CALN1: variants seen among roughly 807,000 people sequenced by gnomAD.
CALN1 encodes the protein calneuron 1, also known as calcium-binding protein 8.
In CALN1, 17 loss-of-function variants were observed where a neutral mutation model predicts 30.6. That is an observed-to-expected ratio of 0.56 (90% confidence interval 0.38 to 0.83). The LOEUF is 0.83. CALN1 is among the 40% of genes least tolerant of loss of function. The probability of loss-of-function intolerance (pLI) is 0.00; values close to 1 mark genes in which losing one functional copy is unlikely to be tolerated. For missense variants in CALN1, 291 were observed against 354.9 expected (o/e 0.82, Z 1.45); for synonymous variants, 156 against 131.4 (o/e 1.19, Z -1.28).
chr7:72,412,087 G>A lies in CALN1; in HGVS notation c.-103C>T, dbSNP rs1807205836. 1 of 152,254 alleles carries A rather than the reference G, an allele frequency of 6.6e-6. No individual in the cohort carries two copies. The highest frequency in any genetic ancestry group is 2.0e-4 in the South Asian group (1 of 4,906). 9.4% of individuals were successfully genotyped at this position (152,254 alleles called of 1,614,324 possible). ...GTGCGGAATTTATTCCTTCTGCTGG[G>A]TTGTTGGTCTCGCCGACTTTAAGAA... On this transcript the variant is annotated 5_prime_UTR_variant, in exon 1 of 7. Transcript: ENST00000395275.
intron 3 of CALN1, among the ~76,000 whole-genome samples, chr7:72,255,235 G>C (rs549474420): frequency 6.7e-6 from 1 of 149,718 alleles, no homozygotes; most frequent in South Asian, 2.1e-4. Flanking sequence ...ACAGGTGCCC[G>C]CCACCACACC....
intron 3 of CALN1, among the ~76,000 whole-genome samples, chr7:72,137,872 A>G (rs533412095): frequency 1.3e-5 from 2 of 152,340 alleles, no homozygotes; most frequent in East Asian, 3.9e-4. Flanking sequence ...AATGATATAA[A>G]TATAGCATAT....
chr7:72,166,862 G>A (rs534478350), intron 3 of CALN1, among the ~76,000 whole-genome samples: 29 of 152,226 alleles, frequency 1.9e-4, no homozygotes, highest in Non-Finnish European at 2.4e-4. Context: ...GGGCAACATG[G>A]TGAAACCCCA....
chr7:72,350,953 C>G (rs964125704), intron 2 of CALN1, among the ~76,000 whole-genome samples: 1 of 151,912 alleles, frequency 6.6e-6, no homozygotes, highest in African/African-American at 2.4e-5. Flanking sequence ...CCAGCCTGAC[C>G]AACATGGTGA....
At chr7:72,002,109 A>G (rs1442326247) in intron 5 of CALN1, among the ~76,000 whole-genome samples, 6 of 152,228 alleles carry the variant, frequency 3.9e-5, no homozygotes, top group Non-Finnish European at 5.9e-5. Context: ...TGCTTTCTCT[A>G]TAAGATTGGG....
At chr7:71,961,167 C>G (rs932633247) in intron 5 of CALN1, among the ~76,000 whole-genome samples, 2 of 152,196 alleles carry the variant, frequency 1.3e-5, no homozygotes, top group African/African-American at 2.4e-5. Flanking sequence ...CTATCATTGT[C>G]AGTCCAATTA....
intron 5 of CALN1, among the ~76,000 whole-genome samples, chr7:71,965,882 C>G (rs961686039): frequency 1.3e-5 from 2 of 151,054 alleles, no homozygotes; most frequent in African/African-American, 4.8e-5. Context: ...GAGGATCTTT[C>G]TTGGTCTTCT....
At chr7:72,430,515 G>T (rs1585720680) in intron 1 of CALN1, among the ~76,000 whole-genome samples, 1 of 152,018 alleles carries the variant, frequency 6.6e-6, no homozygotes, top group African/African-American at 2.4e-5. Flanking sequence ...TTCTACCAGG[G>T]TCAACACTTG....
At chr7:72,364,076 A>G (rs1254652534) in intron 2 of CALN1, among the ~76,000 whole-genome samples, 1 of 151,854 alleles carries the variant, frequency 6.6e-6, no homozygotes, top group African/African-American at 2.4e-5. Flanking sequence ...AAAAAAAAAA[A>G]TACTTTACTA....
chr7:71,790,145 A>C (rs117685655), intron 6 of CALN1, among the ~76,000 whole-genome samples: 1 of 127,440 alleles, frequency 7.8e-6, no homozygotes, highest in South Asian at 2.5e-4. Context: ...AGAAGAAAGA[A>C]AGAAGAAAGA....
chr7:72,336,365 G>A (rs761561648), intron 2 of CALN1, among the ~76,000 whole-genome samples: 2 of 152,146 alleles, frequency 1.3e-5, no homozygotes, highest in Non-Finnish European at 2.9e-5. Context: ...ACTGGCGCCT[G>A]GGGGCTAGAA....
intron 2 of CALN1, among the ~76,000 whole-genome samples, chr7:72,371,217 T>TAC (rs1804224360): frequency 6.6e-6 from 1 of 152,228 alleles, no homozygotes; most frequent in African/African-American, 2.4e-5. Flanking sequence ...TATCATGCTT[T>TAC]ACATTTAAGT....
At chr7:71,980,472 G>C (rs1340977559) in intron 5 of CALN1, among the ~76,000 whole-genome samples, 1 of 152,120 alleles carries the variant, frequency 6.6e-6, no homozygotes, top group Non-Finnish European at 1.5e-5. Context: ...TTACAGGTGT[G>C]AGCCACCACG....
chr7:72,493,844 T>C, the CALN1 span, among the ~76,000 whole-genome samples: 1 of 152,222 alleles, frequency 6.6e-6, no homozygotes, highest in South Asian at 2.1e-4. Context: ...CACTAAATAC[T>C]GGGCTTAAAA....
intron 2 of CALN1, among the ~76,000 whole-genome samples, chr7:72,389,393 C>A (rs1805436073): frequency 6.6e-6 from 1 of 152,188 alleles, no homozygotes; most frequent in Non-Finnish European, 1.5e-5. Context: ...GTGTCCGAGG[C>A]ATCGTCTTTA....
intron 4 of CALN1, among the ~76,000 whole-genome samples, chr7:72,026,309 G>A (rs1450396826): frequency 6.6e-6 from 1 of 152,060 alleles, no homozygotes; most frequent in African/African-American, 2.4e-5. Flanking sequence ...AGGGGGGTTG[G>A]GTGAGGTGGC....
intron 3 of CALN1, among the ~76,000 whole-genome samples, chr7:72,250,478 A>G (rs1350780631): frequency 6.6e-6 from 1 of 152,126 alleles, no homozygotes; most frequent in Non-Finnish European, 1.5e-5. Context: ...AACCATTCAC[A>G]TGTGGTACAG....
chr7:72,321,795 C>T (rs2129557299), intron 2 of CALN1, among the ~76,000 whole-genome samples: 1 of 152,284 alleles, frequency 6.6e-6, no homozygotes, highest in South Asian at 2.1e-4. Context: ...TTACCAAGAA[C>T]AGCACAAAGT....
chr7:72,255,121 T>C (rs1755061779), intron 3 of CALN1, among the ~76,000 whole-genome samples: 1 of 151,914 alleles, frequency 6.6e-6, no homozygotes, highest in South Asian at 2.1e-4. Context: ...AATCTCTCTC[T>C]GTCACCCAGC....
Sources: allele counts gnomAD v4.1 joint callset (sites outside exome capture counted in the v4.1 genomes callset), GRCh38; gene constraint gnomAD v4.1.1; transcripts MANE v1.5; gene names NCBI Gene and HGNC (gene_info 2026-07-23, HGNC 2026-07-21).